Variants in SENP6 observed in about 807,000 individuals in gnomAD.
The protein encoded by SENP6 is sentrin-specific protease 6.
Under a neutral mutation model 134.5 loss-of-function variants are expected in SENP6, and 41 were observed. The ratio of observed to expected loss-of-function variants is 0.30; its 90% CI spans 0.24 to 0.40. The LOEUF is 0.40. SENP6 is among the 10% of genes least tolerant of loss of function. The probability of loss-of-function intolerance (pLI) is 1.00; values close to 1 mark genes in which losing one functional copy is unlikely to be tolerated. For synonymous variants in SENP6, 395 were observed against 429.8 expected (o/e 0.92, Z 1.00); for missense variants, 1,248 against 1,312.5 (o/e 0.95, Z 0.76).
chr6:75,607,452 C>CT (rs1232794833), intron 1 of SENP6, among the ~76,000 whole-genome samples: 2 of 152,076 alleles, frequency 1.3e-5, no homozygotes, highest in African/African-American at 4.8e-5. Flanking sequence ...TCTACCTTTT[C>CT]TTTTTTTCAC....
At chr6:75,620,206 ATATTTTAAT>A (rs1305582176) in intron 1 of SENP6, among the ~76,000 whole-genome samples, 3 of 151,932 alleles carry the variant, frequency 2.0e-5, no homozygotes, top group East Asian at 1.9e-4. Flanking sequence ...TCATGGGAGG[ATATTTTAAT>A]TATGGGTTTT....
chr6:75,659,234 A>T, intron 7 of SENP6, 28 bp from the exon 8 acceptor site: 2 of 1,547,046 alleles, frequency 1.3e-6, no homozygotes, highest in Non-Finnish European at 1.7e-6. Context: ...ACTAAAACTT[A>T]AAGTTTATTT....
At chr6:75,707,852 CTTTAT>C (rs986244338) in intron 19 of SENP6, among the ~76,000 whole-genome samples, 3 of 151,696 alleles carry the variant, frequency 2.0e-5, no homozygotes, top group Non-Finnish European at 2.9e-5. Context: ...CTGGCTGATT[CTTTAT>C]TTTATTTTGT....
chr6:75,693,897 G>C (rs1462179328), intron 16 of SENP6, among the ~76,000 whole-genome samples: 3 of 152,090 alleles, frequency 2.0e-5, no homozygotes, highest in Non-Finnish European at 4.4e-5. Flanking sequence ...ATTTCCCTTT[G>C]TGATATAAAC....
chr6:75,624,676 G>A (rs2149831637), intron 3 of SENP6, among the ~76,000 whole-genome samples: 1 of 152,206 alleles, frequency 6.6e-6, no homozygotes, highest in Non-Finnish European at 1.5e-5. Context: ...TAGAATAATT[G>A]TCAGTTAATA....
At chr6:75,692,384 C>T (rs1027913769) in intron 16 of SENP6, among the ~76,000 whole-genome samples, 1 of 151,970 alleles carries the variant, frequency 6.6e-6, no homozygotes, top group African/African-American at 2.4e-5. Context: ...CTTTGGGAGG[C>T]CGATGCTGGA....
At chr6:75,615,684 A>G (rs1767799133) in intron 1 of SENP6, among the ~76,000 whole-genome samples, 1 of 152,270 alleles carries the variant, frequency 6.6e-6, no homozygotes, top group East Asian at 1.9e-4. Context: ...CTTGAATGTC[A>G]CTGTCAAGTT....
chr6:75,700,486 A>G (rs767048557), intron 18 of SENP6, among the ~76,000 whole-genome samples: 1 of 151,912 alleles, frequency 6.6e-6, no homozygotes, highest in African/African-American at 2.4e-5. Context: ...TATTTCATCA[A>G]TTTTATTTTA....
chr6:75,684,349 A>T (rs576665322), intron 16 of SENP6, among the ~76,000 whole-genome samples: 3 of 152,278 alleles, frequency 2.0e-5, no homozygotes, highest in East Asian at 1.9e-4. Context: ...GCAAACAGGG[A>T]CAGTTTGACT....
chr6:75,652,696 A>AAAAAAAAAAAAAAAAAAAAAAAAG lies in SENP6; in HGVS notation c.550+4902_550+4903insAAAAAAAAAAAAAAAAGAAAAAAA, dbSNP rs796549538. Among the ~76,000 whole-genome samples the AAAAAAAAAAAAAAAAAAAAAAAAG allele has an allele frequency of 6.1e-5, 9 of 148,716 alleles. No individual in the cohort carries two copies. In the East Asian group the frequency reaches 1.5e-3, roughly 24 times the overall value. Reference sequence around the variant, plus strand: ...TACTAAAAATCTCAAAAAAAAAAAAAAAAAAAAGAAAAAGAAAAAAAATGC... The same window carrying AAAAAAAAAAAAAAAAAAAAAAAAG: ...TACTAAAAATCTCAAAAAAAAAAAAAAAAAAAAAAAAAAAAAAAAAAAAGAAAAAAAGAAAAAGAAAAAAAATGC... On this transcript the variant is annotated intron_variant, in intron 7 of 23. Coordinates refer to ENST00000447266, the MANE Select transcript of SENP6 (RefSeq NM_015571.4).
At chr6:75,630,358 C>T (rs1769017504) in intron 3 of SENP6, among the ~76,000 whole-genome samples, 1 of 152,172 alleles carries the variant, frequency 6.6e-6, no homozygotes, top group Non-Finnish European at 1.5e-5. Flanking sequence ...GTTTGAGCTG[C>T]TCGGCCAACA....
intron 5 of SENP6, among the ~76,000 whole-genome samples, chr6:75,637,301 T>A (rs1158175548): frequency 6.6e-6 from 1 of 152,186 alleles, no homozygotes; most frequent in African/African-American, 2.4e-5. Flanking sequence ...ATCTGAGTAA[T>A]TCGTAGTTCT....
chr6:75,691,740 G>A (rs1241052632), intron 16 of SENP6, among the ~76,000 whole-genome samples: 2 of 151,146 alleles, frequency 1.3e-5, no homozygotes, highest in African/African-American at 4.9e-5. Context: ...GACCACAGGC[G>A]CCTGCCACCA....
chr6:75,675,648 C>T, intron 12 of SENP6, 180 bp downstream of exon 12: 1 of 727,434 alleles, frequency 1.4e-6, no homozygotes. Flanking sequence ...CAGAACCTAA[C>T]TTTTTAGAAA....
intron 5 of SENP6, among the ~76,000 whole-genome samples, chr6:75,636,439 TCTTC>T (rs1769520724): frequency 6.6e-6 from 1 of 152,218 alleles, no homozygotes; most frequent in Admixed American, 6.5e-5. Flanking sequence ...TCTTCGGTTT[TCTTC>T]CTTCAAAAAC....
chr6:75,632,458 A>G (rs1029154652), intron 3 of SENP6, among the ~76,000 whole-genome samples: 1 of 152,224 alleles, frequency 6.6e-6, no homozygotes, highest in Non-Finnish European at 1.5e-5. Context: ...TTCACATAGT[A>G]TATGACACTA....
intron 8 of SENP6, among the ~76,000 whole-genome samples, chr6:75,661,392 C>T (rs1223976282): frequency 6.6e-6 from 1 of 152,178 alleles, no homozygotes; most frequent in Non-Finnish European, 1.5e-5. Flanking sequence ...GAAAGCTCCT[C>T]CCTAAATACA....
intron 6 of SENP6, among the ~76,000 whole-genome samples, chr6:75,645,212 G>A (rs773840540): frequency 6.6e-6 from 1 of 152,164 alleles, no homozygotes; most frequent in Non-Finnish European, 1.5e-5. Context: ...TTGGTTAGGG[G>A]TAGAAAAGAA....
intron 19 of SENP6, among the ~76,000 whole-genome samples, chr6:75,705,481 T>C (rs1432951526): frequency 6.6e-6 from 1 of 151,920 alleles, no homozygotes; most frequent in Non-Finnish European, 1.5e-5. Flanking sequence ...GGGGCGGAGG[T>C]TGCAGTGAGC....
Sources: allele counts gnomAD v4.1 joint callset (sites outside exome capture counted in the v4.1 genomes callset), GRCh38; gene constraint gnomAD v4.1.1; transcripts MANE v1.5; gene names NCBI Gene and HGNC (gene_info 2026-07-23, HGNC 2026-07-21).